The following ACTR3C variants were observed in gnomAD, a reference collection of about 807,000 sequenced individuals.
ACTR3C encodes the protein actin related protein 3C.
In ACTR3C, 18 loss-of-function variants were observed where a neutral mutation model predicts 26.3. The ratio of observed to expected loss-of-function variants is 0.68; its 90% CI spans 0.47 to 1.01. The LOEUF (loss-of-function observed/expected upper bound fraction) is 1.01. ACTR3C is among the 50% of genes least tolerant of loss of function. ACTR3C has a pLI of 0.00. For synonymous variants in ACTR3C, 55 were observed against 94.5 expected, an observed-to-expected ratio of 0.58 and a Z score of 2.42; for missense variants, 184 against 250.7, an observed-to-expected ratio of 0.73 and a Z score of 1.80.
the ACTR3C span, among the ~76,000 whole-genome samples, chr7:150,090,952 G>A: frequency 1.3e-5 from 2 of 152,148 alleles, no homozygotes; most frequent in Non-Finnish European, 2.9e-5. Flanking sequence ...CATGCTGTGA[G>A]GGCTCAGGGC....
At chr7:150,297,362 A>C (rs1368627393) in intron 1 of ACTR3C, among the ~76,000 whole-genome samples, 2 of 149,972 alleles carry the variant, frequency 1.3e-5, no homozygotes, top group Non-Finnish European at 2.9e-5. Context: ...TAAAAAAAAA[A>C]CAATAAAATA....
the ACTR3C span, among the ~76,000 whole-genome samples, chr7:149,959,515 G>A: frequency 6.6e-6 from 1 of 152,120 alleles, no homozygotes; most frequent in African/African-American, 2.4e-5. Flanking sequence ...TGGTCTAACT[G>A]TATTGTAAAG....
chr7:149,957,108 G>A, the ACTR3C span, among the ~76,000 whole-genome samples: 6 of 152,184 alleles, frequency 3.9e-5, no homozygotes, highest in Admixed American at 6.5e-5. Context: ...CATGAATAGC[G>A]CATGGAATCA....
the ACTR3C span, among the ~76,000 whole-genome samples, chr7:150,198,910 C>T: frequency 1.5e-4 from 22 of 147,370 alleles, 1 homozygote; most frequent in Non-Finnish European, 2.1e-4. Flanking sequence ...CCCAGCCAGC[C>T]GCCCCGTCCG....
downstream of ACTR3C, among the ~76,000 whole-genome samples, chr7:150,239,540 C>CTATATATATA (rs869280836): frequency 2.0e-4 from 18 of 90,188 alleles, no homozygotes; most frequent in Non-Finnish European, 2.5e-4. Context: ...CTCTCTCTCT[C>CTATATATATA]TATATATATA....
At chr7:149,999,449 A>G in the ACTR3C span, among the ~76,000 whole-genome samples, 3 of 150,494 alleles carry the variant, frequency 2.0e-5, no homozygotes, top group East Asian at 2.1e-4. Context: ...GAGGCCTCGG[A>G]ACAAGCGATC....
chr7:150,012,317 C>CTTTTTTTTTCTTT, the ACTR3C span, among the ~76,000 whole-genome samples: 3 of 131,258 alleles, frequency 2.3e-5, no homozygotes, highest in Non-Finnish European at 4.8e-5. Flanking sequence ...ATAAATGCAT[C>CTTTTTTTTTCTTT]TTTTTTTTTT....
the ACTR3C span, among the ~76,000 whole-genome samples, chr7:149,950,255 A>G: frequency 7.7e-6 from 1 of 129,144 alleles, no homozygotes; most frequent in Non-Finnish European, 1.5e-5. Context: ...TGATGGCAAC[A>G]TGAGTCTGAG....
At chr7:150,310,214 T>TC (rs1796185110) in intron 1 of ACTR3C, among the ~76,000 whole-genome samples, 1 of 152,092 alleles carries the variant, frequency 6.6e-6, no homozygotes, top group Non-Finnish European at 1.5e-5. Context: ...TTTCACATCC[T>TC]CCCTTTGTGT....
chr7:150,034,519 A>G, the ACTR3C span, among the ~76,000 whole-genome samples: 1 of 151,188 alleles, frequency 6.6e-6, no homozygotes, highest in African/African-American at 2.4e-5. Flanking sequence ...CTAATACTGC[A>G]GTTTGGGATC....
chr7:150,200,915 T>C, the ACTR3C span, among the ~76,000 whole-genome samples: 1 of 152,278 alleles, frequency 6.6e-6, no homozygotes, highest in East Asian at 1.9e-4. Context: ...AACTTCTTTT[T>C]CTTTTCCCAG....
the ACTR3C span, among the ~76,000 whole-genome samples, chr7:150,067,871 A>T: frequency 6.6e-6 from 1 of 151,508 alleles, no homozygotes; most frequent in Non-Finnish European, 1.5e-5. Flanking sequence ...AGGCCCTAAA[A>T]TTTAGAAAAG....
At chr7:149,944,300 A>C in the ACTR3C span, among the ~76,000 whole-genome samples, 9 of 151,996 alleles carry the variant, frequency 5.9e-5, no homozygotes, top group Admixed American at 4.6e-4. Context: ...AGTGAACCCT[A>C]AGGTTACCTC....
chr7:150,231,281 T>C, the ACTR3C span, among the ~76,000 whole-genome samples: 1 of 152,130 alleles, frequency 6.6e-6, no homozygotes, highest in African/African-American at 2.4e-5. Context: ...TTGATCCCAG[T>C]GTTGGAGATG....
At chr7:150,207,741 C>T in the ACTR3C span, among the ~76,000 whole-genome samples, 13 of 152,314 alleles carry the variant, frequency 8.5e-5, no homozygotes, top group African/African-American at 2.2e-4. Context: ...ATTGTTGACA[C>T]GCTTTTCATT....
the ACTR3C span, among the ~76,000 whole-genome samples, chr7:150,103,545 C>G: frequency 6.6e-6 from 1 of 151,834 alleles, no homozygotes; most frequent in African/African-American, 2.4e-5. Flanking sequence ...ACTATAGGAC[C>G]TGTCATGTTT....
the ACTR3C span, among the ~76,000 whole-genome samples, chr7:150,088,260 C>A: frequency 6.6e-6 from 1 of 152,170 alleles, no homozygotes; most frequent in Non-Finnish European, 1.5e-5. Context: ...TTGCCTAATC[C>A]AAGCTAAGTA....
intron 3 of ACTR3C, among the ~76,000 whole-genome samples, chr7:150,290,482 C>A (rs949315745): frequency 1.1e-4 from 16 of 152,138 alleles, no homozygotes; most frequent in Admixed American, 9.2e-4. Flanking sequence ...GCTGGATCAT[C>A]CGGTAAAGAC....
the ACTR3C span, among the ~76,000 whole-genome samples, chr7:149,951,519 G>C: frequency 2.7e-5 from 4 of 150,140 alleles, no homozygotes; most frequent in Non-Finnish European, 5.9e-5. Flanking sequence ...TAGGACTCGG[G>C]TCTTTCTTTC....
Sources: gnomAD v4.1 joint callset for allele counts (sites outside exome capture counted in the v4.1 genomes callset) on GRCh38, gnomAD v4.1.1 for gene constraint, MANE v1.5 for transcripts, NCBI Gene and HGNC (gene_info 2026-07-23, HGNC 2026-07-21) for gene names.